SNX31: variants seen among roughly 807,000 people sequenced by gnomAD.
SNX31 encodes sorting nexin-31.
A neutral mutation model predicts 65.4 loss-of-function variants in SNX31; 58 were observed. The observed-to-expected ratio is 0.89, with a 90% CI of 0.72 to 1.10. The LOEUF is 1.10. Ranked by LOEUF, SNX31 falls within the 50% of genes least tolerant of loss-of-function variation. The pLI is 0.00. For missense variants in SNX31, 523 were observed against 529.7 expected, an observed-to-expected ratio of 0.99 and a Z score of 0.12; for synonymous variants, 181 against 190.1, an observed-to-expected ratio of 0.95 and a Z score of 0.39.
chr8:100,636,808 G>A (rs534200717), intron 2 of SNX31, among the ~76,000 whole-genome samples: 11 of 152,032 alleles, frequency 7.2e-5, no homozygotes, highest in South Asian at 2.1e-4. Context: ...TGCAACCTCC[G>A]CCTCCTGGGT....
chr8:100,599,242 G>A (rs1009340958), intron 9 of SNX31, among the ~76,000 whole-genome samples: 3 of 152,062 alleles, frequency 2.0e-5, no homozygotes, highest in Admixed American at 1.3e-4. Flanking sequence ...AATTTATTTT[G>A]TGGAAAAACT....
Position 100,581,337 on chromosome 8 carries a change from C to CTATATCTATATA in SNX31, c.1170+2773_1170+2774insTATATAGATATA, listed in dbSNP as rs1318531944. Among the ~76,000 whole-genome samples the CTATATCTATATA allele has an allele frequency of 3.6e-4, 45 of 125,466 alleles. 1 individual carries two copies. The highest frequency in any genetic ancestry group is 1.3e-3 in the African/African-American group (43 of 32,200). 82.3% of individuals were successfully genotyped at this position (125,466 alleles called of 152,430 possible). A position where few individuals can be genotyped will look rare whatever the true frequency, so the allele number is the denominator to read the frequency against. Reference sequence around the variant, plus strand: ...TATATATCTATATCTATCTATCTATCTATATATATATATATATATAATTTA... The same window carrying CTATATCTATATA: ...TATATATCTATATCTATCTATCTATCTATATCTATATATATATATATATATATATATAATTTA... On this transcript the variant is annotated intron_variant, in intron 12 of 13. Coordinates refer to ENST00000311812, the MANE Select transcript of SNX31 (RefSeq NM_152628.4).
upstream of SNX31, among the ~76,000 whole-genome samples, chr8:100,650,550 G>A (rs1342615101): frequency 6.6e-6 from 1 of 152,222 alleles, no homozygotes; most frequent in African/African-American, 2.4e-5. Flanking sequence ...CTGCATGCCT[G>A]AAACGGGAAT....
rs1454115938 is a variant in SNX31 at position 100,626,592 on chromosome 8, C to A, written c.321+3735G>T. ...ACAGATTCGATGAATTCAACTCAGG[C>A]CCCCTCCCCAGTACTATGTGTCAGC... On this transcript the variant is annotated intron_variant, in intron 4 of 13. Coordinates refer to ENST00000311812, the MANE Select transcript of SNX31 (RefSeq NM_152628.4). This position sits in a 1 kb window ranked among gnomAD's most constrained non-coding sequence, Gnocchi z 4.4. Among the ~76,000 whole-genome samples the A allele has an allele frequency of 6.6e-6, 1 of 152,160 alleles. No individual in the cohort carries two copies. Among genetic ancestry groups the A allele is most frequent in the Non-Finnish European group, 1.5e-5 (1 of 68,024 alleles).
intron 2 of SNX31, 82 bp downstream of exon 2, chr8:100,649,192 G>A: frequency 7.1e-7 from 1 of 1,404,578 alleles, no homozygotes; most frequent in East Asian, 2.3e-5. Context: ...TCTTGCCAGA[G>A]TCAGAGGAAC....
upstream of SNX31, among the ~76,000 whole-genome samples, chr8:100,652,775 T>C (rs1819997333): frequency 6.6e-6 from 1 of 152,058 alleles, no homozygotes; most frequent in African/African-American, 2.4e-5. Flanking sequence ...CTTGGGCCTC[T>C]GGGATGGGGA....
At chr8:100,641,265 G>A (rs1041456748) in intron 2 of SNX31, among the ~76,000 whole-genome samples, 8 of 151,828 alleles carry the variant, frequency 5.3e-5, no homozygotes, top group Non-Finnish European at 7.4e-5. Context: ...AGTTGGCTGC[G>A]GTGGCTCACG....
At chr8:100,581,687 A>G (rs908644458) in intron 12 of SNX31, among the ~76,000 whole-genome samples, 6 of 152,176 alleles carry the variant, frequency 3.9e-5, no homozygotes, top group Non-Finnish European at 7.3e-5. Flanking sequence ...CCTGCAAAAT[A>G]GAGACCTCTG....
chr8:100,652,951 A>G (rs1267244400), upstream of SNX31, among the ~76,000 whole-genome samples: 1 of 152,220 alleles, frequency 6.6e-6, no homozygotes, highest in Non-Finnish European at 1.5e-5. Flanking sequence ...GCCATATGAA[A>G]AAAAGGGTCT....
chr8:100,631,231 A>C (rs1439688314), intron 3 of SNX31, among the ~76,000 whole-genome samples: 3 of 152,140 alleles, frequency 2.0e-5, no homozygotes, highest in African/African-American at 7.2e-5. Context: ...TCCTGACACA[A>C]ATAGCCAGGA....
intron 2 of SNX31, among the ~76,000 whole-genome samples, chr8:100,641,599 C>T (rs1421951481): frequency 4.6e-4 from 29 of 63,334 alleles, no homozygotes; most frequent in African/African-American, 1.4e-3. Flanking sequence ...TATATATACA[C>T]ATACACACAC....
rs1296266352 is a variant in SNX31, at chr8:100,609,980, A to G, written c.612-1417T>C. Among the ~76,000 whole-genome samples the G allele has an allele frequency of 1.3e-5, 2 of 152,208 alleles. No homozygotes were observed. The highest frequency in any genetic ancestry group is 4.8e-5 in the African/African-American group (2 of 41,460). On this transcript the variant is annotated intron_variant, in intron 7 of 13. Coordinates refer to ENST00000311812, the MANE Select transcript of SNX31 (RefSeq NM_152628.4). This position sits in a 1 kb window ranked among gnomAD's most constrained non-coding sequence, Gnocchi z 4.9. ...CTCACTGAGGCTTCACCTGCTGGGA[A>G]TCACTCAGCTTTTGGAGCTAGCCTT...
chr8:100,583,038 T>A, intron 12 of SNX31, among the ~76,000 whole-genome samples: 1 of 151,676 alleles, frequency 6.6e-6, no homozygotes, highest in East Asian at 1.9e-4. Flanking sequence ...TATTATATTT[T>A]AAAATATCAA....
intron 11 of SNX31, among the ~76,000 whole-genome samples, chr8:100,585,896 A>T (rs544020780): frequency 1.9e-3 from 283 of 152,336 alleles, no homozygotes; most frequent in Non-Finnish European, 3.0e-3. Flanking sequence ...TAAAAAATTT[A>T]AAAAAGACAA....
Position 100,608,517 on chromosome 8 carries a change from C to T in SNX31, c.658G>A (p.Ala220Thr). 1 of 1,614,078 alleles carries T rather than the reference C, an allele frequency of 6.2e-7. No individual in the cohort carries two copies. Among genetic ancestry groups the T allele is most frequent in the Non-Finnish European group, 8.5e-7 (1 of 1,179,978 alleles). Residue 220 changes from alanine (A) to threonine (T), a missense_variant, in exon 8 of 14, where the codon GCG (alanine) becomes ACG (threonine). Physicochemically the swap from Ala to Thr is moderately conservative, Grantham distance 58. Transcript: ENST00000311812. The part of the protein sequence containing the change: ...LDSVLMDCRV[A>T]VDLLYMQAIQ... ...ACCTGCATGTAGAGCAAATCTACCG[C>T]CACCCTGCAGTCCATCAGCACGGAG...
intron 12 of SNX31, chr8:100,582,261 T>C (rs1042000448): frequency 6.6e-6 from 1 of 152,236 alleles, no homozygotes; most frequent in Non-Finnish European, 1.5e-5. Flanking sequence ...ATTGTACAAG[T>C]ATTTCCTGAA....
At chr8:100,650,079 A>C (rs958660483), upstream of SNX31, among the ~76,000 whole-genome samples, 2 of 152,094 alleles carry the variant, frequency 1.3e-5, no homozygotes, top group Non-Finnish European at 2.9e-5. Flanking sequence ...CCCAAATGGA[A>C]ATGGCTTGGG....
In SNX31 at chr8:100,612,835, G is replaced by A. The variant is rs186205432; in HGVS notation, c.523+160C>T. Among the ~76,000 whole-genome samples the A allele has an allele frequency of 2.6e-5, 4 of 152,202 alleles. No individual in the cohort carries two copies. Among genetic ancestry groups the A allele is most frequent in the Admixed American group, 6.5e-5 (1 of 15,292 alleles). On this transcript the variant is annotated intron_variant, in intron 6 of 13. Transcript: ENST00000311812. This position sits in a 1 kb window ranked among gnomAD's most constrained non-coding sequence, Gnocchi z 4.3. ...GCCCCCACTCTCCCCTAACAAGGAC[G>A]CAACCTCCTATTCCCTAAACCCTTA... is the stretch of plus-strand genomic sequence containing the variant.
intron 8 of SNX31, among the ~76,000 whole-genome samples, chr8:100,602,173 C>T (rs1586909916): frequency 6.6e-6 from 1 of 152,230 alleles, no homozygotes; most frequent in Non-Finnish European, 1.5e-5. Context: ...CTTTGCCAAT[C>T]ATCAGGTGCT....
Sources: gnomAD v4.1 joint callset for allele counts (sites outside exome capture counted in the v4.1 genomes callset) on GRCh38, gnomAD v4.1.1 for gene constraint, Gnocchi (gnomAD v3.1) non-coding constraint, MANE v1.5 for transcripts, NCBI Gene and HGNC (gene_info 2026-07-23, HGNC 2026-07-21) for gene names.